PHF3: variants seen among roughly 807,000 people sequenced by gnomAD.
PHF3 encodes PHD finger protein 3.
In PHF3, 41 loss-of-function variants were observed where a neutral mutation model predicts 178.4. That is an observed-to-expected ratio of 0.23 (90% CI 0.18 to 0.30). The LOEUF is 0.30. Among genes scored for constraint, PHF3 ranks in the 10% least tolerant of loss-of-function variants. The pLI, the probability that PHF3 is intolerant of heterozygous loss-of-function variation, is 1.00. For missense variants in PHF3, 2,346 were observed against 2,398.1 expected, an observed-to-expected ratio of 0.98 and a Z score of 0.45; for synonymous variants, 842 against 800.5, an observed-to-expected ratio of 1.05 and a Z score of -0.88.
At chr6:63,683,304 G>T (rs1407904961) in intron 3 of PHF3, among the ~76,000 whole-genome samples, 1 of 151,344 alleles carries the variant, frequency 6.6e-6, no homozygotes, top group Non-Finnish European at 1.5e-5. Context: ...GGTTGTTTTT[G>T]TACTTACTGA....
intron 13 of PHF3, 126 bp downstream of exon 13, chr6:63,707,002 A>G: frequency 1.3e-6 from 1 of 778,430 alleles, no homozygotes. Context: ...TAAACAGTCC[A>G]AGTAATATAA....
Position 63,684,232 on chromosome 6 carries a change from A to C in PHF3, c.510A>C (p.Lys170Asn). 6.2e-7 allele frequency: 1 copy of C among 1,614,088 alleles called. No homozygotes were observed. Among genetic ancestry groups the C allele is most frequent in the Non-Finnish European group, 8.5e-7 (1 of 1,179,914 alleles). The change falls in exon 4 of 16, where the codon AAA becomes AAC. Residue 170 changes from lysine (K) to asparagine (N), a missense_variant. By Grantham distance (94) the Lys-to-Asn change is moderately conservative. Around this residue, in one of 8 missense-constraint regions of PHF3, gnomAD observed 843 missense variants for 795.2 expected, o/e 1.06. Coordinates refer to ENST00000262043, the MANE Select transcript of PHF3 (RefSeq NM_001370348.2). ...CTGGGAAGACTGTATCTACTGCTAA[A>C]GCAGGAGTGAAACAACCAGAAAGGA... is the stretch of plus-strand genomic sequence containing the variant. ...KASGKTVSTA[K>N]AGVKQPERSQ...
intron 1 of PHF3, among the ~76,000 whole-genome samples, chr6:63,643,991 A>G (rs1033697083): frequency 2.6e-5 from 4 of 152,206 alleles, no homozygotes; most frequent in African/African-American, 9.6e-5. Flanking sequence ...CTTTGTGACC[A>G]TAACTTCTGA....
chr6:63,683,649 C>T (rs1048979318), intron 3 of PHF3, among the ~76,000 whole-genome samples: 4 of 151,980 alleles, frequency 2.6e-5, no homozygotes, highest in African/African-American at 9.7e-5. Context: ...TTTTGAAACT[C>T]GCACAGATCC....
intron 2 of PHF3, among the ~76,000 whole-genome samples, chr6:63,668,709 C>T (rs775234410): frequency 2.6e-5 from 4 of 151,926 alleles, no homozygotes; most frequent in African/African-American, 7.3e-5. Context: ...TGCTTTTTTC[C>T]TTAAGATGCT....
chr6:63,669,847 G>A (rs912795682), intron 2 of PHF3, among the ~76,000 whole-genome samples: 2 of 152,116 alleles, frequency 1.3e-5, no homozygotes, highest in Non-Finnish European at 2.9e-5. Flanking sequence ...CTGTTTCAAG[G>A]CTGAATACAT....
Position 63,684,195 on chromosome 6 carries a change from C to CA in PHF3, c.480dup (p.Ala161SerfsTer10). On this transcript the variant is annotated frameshift_variant, in exon 4 of 16. Transcript: ENST00000262043. LOFTEE classifies it high-confidence loss of function. ...TCAAATGCAGCACCATTAAGTAACA[C>CA]AAAAAAAGCATCTGGGAAGACTGTA... The CA allele has an allele frequency of 6.2e-7, 1 of 1,613,516 alleles. No homozygotes were observed. Among genetic ancestry groups the CA allele is most frequent in the Non-Finnish European group, 8.5e-7 (1 of 1,179,726 alleles).
In PHF3 at chr6:63,685,194, C is replaced by T. The variant is rs747198111; in HGVS notation, c.1472C>T (p.Thr491Ile). The change falls in exon 4 of 16, where the codon ACA becomes ATA. Residue 491 changes from threonine (T) to isoleucine (I), a missense_variant. Physicochemically the swap from Thr to Ile is moderately conservative, Grantham distance 89. Transcript: ENST00000262043. ...LESKSVKSKHTKPVIHSKQNM... is the reference protein window; with the variant it reads ...LESKSVKSKHIKPVIHSKQNM... Reference sequence around the variant, plus strand: ...TCAAAAAGTGTAAAATCCAAACATACAAAACCTGTAATTCATTCTAAGCAA... The same window carrying T: ...TCAAAAAGTGTAAAATCCAAACATATAAAACCTGTAATTCATTCTAAGCAA... 3 of 1,613,772 alleles carry T rather than the reference C, an allele frequency of 1.9e-6. No individual in the cohort carries two copies. Among genetic ancestry groups the T allele is most frequent in the Non-Finnish European group, 1.7e-6 (2 of 1,179,992 alleles).
chr6:63,642,182 A>G (rs1764605110), intron 1 of PHF3, among the ~76,000 whole-genome samples: 1 of 152,238 alleles, frequency 6.6e-6, no homozygotes, highest in Non-Finnish European at 1.5e-5. Flanking sequence ...TAAATGGTCC[A>G]TCAGGACCAA....
chr6:63,685,590 G>A lies in PHF3; in HGVS notation c.1868G>A (p.Ser623Asn). 6.2e-7 allele frequency: 1 copy of A among 1,613,996 alleles called. No homozygotes were observed. Among genetic ancestry groups the A allele is most frequent in the Non-Finnish European group, 8.5e-7 (1 of 1,180,010 alleles). Residue 623 changes from serine to asparagine, a missense_variant, in exon 4 of 16, where the codon AGC becomes AAC. Ser to Asn is a conservative substitution (Grantham distance 46, BLOSUM62 1). Coordinates refer to ENST00000262043, the MANE Select transcript of PHF3 (RefSeq NM_001370348.2). Reference protein sequence around the residue: ...PAQTGHVSHSSQKQCHKPQQQ... With the variant: ...PAQTGHVSHSNQKQCHKPQQQ... Reference sequence around the variant, plus strand: ...CAAACTGGACATGTATCACATTCTAGCCAGAAACAGTGTCATAAGCCTCAG... The same window carrying A: ...CAAACTGGACATGTATCACATTCTAACCAGAAACAGTGTCATAAGCCTCAG...
At chr6:63,706,693 C>T in intron 12 of PHF3, 36 bp from the exon 13 acceptor site, 2 of 1,599,206 alleles carry the variant, frequency 1.3e-6, no homozygotes, top group Non-Finnish European at 1.7e-6. Flanking sequence ...ATTTATTCAT[C>T]AGCTTGTCTT....
chr6:63,696,515 C>T lies in PHF3; in HGVS notation c.2681-1708C>T, dbSNP rs551760548. ...TTGATTTTTTGTAGAGATGGTGTTTCGTTATGTTGGCCAGGCTGGTCTCAA... is the reference window on the plus strand; with the variant it reads ...TTGATTTTTTGTAGAGATGGTGTTTTGTTATGTTGGCCAGGCTGGTCTCAA... On this transcript the variant is annotated intron_variant, in intron 6 of 15. Transcript: ENST00000262043. Among the ~76,000 whole-genome samples the T allele has an allele frequency of 8.5e-5, 13 of 152,194 alleles. No homozygotes were observed. In the East Asian group the frequency reaches 1.9e-3, roughly 23 times the overall value.
chr6:63,710,785 A>C (rs566355658), intron 14 of PHF3, among the ~76,000 whole-genome samples: 37 of 152,160 alleles, frequency 2.4e-4, no homozygotes, highest in Non-Finnish European at 4.7e-4. Flanking sequence ...CAAGAACATA[A>C]GCAGCCCTTT....
rs10645572 is a variant in PHF3, at chr6:63,649,079, CTTAT to C, written c.244+2314_244+2317del. ...TAAGAGATAATTGCAAAAAAGAAAT[CTTAT>C]TTATTTATTTATTTATTTATTTATT... On this transcript the variant is annotated intron_variant, in intron 2 of 15. Coordinates refer to ENST00000262043, the MANE Select transcript of PHF3 (RefSeq NM_001370348.2). Among the ~76,000 whole-genome samples, 691 of 148,614 alleles carry C rather than the reference CTTAT, an allele frequency of 4.6e-3. 2 individuals carry two copies. The highest frequency in any genetic ancestry group is 0.011 in the African/African-American group (456 of 40,566).
chr6:63,643,490 G>A (rs1342124733), intron 1 of PHF3, among the ~76,000 whole-genome samples: 2 of 152,126 alleles, frequency 1.3e-5, no homozygotes, highest in Non-Finnish European at 2.9e-5. Context: ...CACTAGGATT[G>A]TGATTTGTCC....
intron 1 of PHF3, among the ~76,000 whole-genome samples, chr6:63,640,621 C>G (rs76949028): frequency 0.032 from 4,811 of 152,268 alleles, 107 homozygotes; most frequent in South Asian, 0.094. Flanking sequence ...GATTTTAGCT[C>G]TGTTCTTCCT....
chr6:63,702,319 C>G (rs940688493), intron 9 of PHF3, 189 bp from the exon 10 acceptor site: 12 of 334,674 alleles, frequency 3.6e-5, no homozygotes, highest in African/African-American at 1.0e-4. Context: ...TTCTTATAAC[C>G]GCAGTACTTA....
intron 2 of PHF3, among the ~76,000 whole-genome samples, chr6:63,668,668 T>C (rs1314699155): frequency 6.6e-6 from 1 of 152,034 alleles, no homozygotes; most frequent in African/African-American, 2.4e-5. Context: ...TTATAATGAG[T>C]TCATAGATTA....
In PHF3 at chr6:63,691,959, G is replaced by T. The variant is rs762321363; in HGVS notation, c.2412G>T (p.Lys804Asn). Reference sequence around the variant, plus strand: ...GAGATAAAACAATGGAGTGTGAAAAGCTTGGATTATCAAAACACACAACAA... The same window carrying T: ...GAGATAAAACAATGGAGTGTGAAAATCTTGGATTATCAAAACACACAACAA... ...HSGDKTMECE[K>N]LGLSKHTTND... Residue 804 changes from lysine (K) to asparagine (N), a missense_variant, in exon 5 of 16, where the codon AAG becomes AAT. Lys to Asn is a moderately conservative substitution (Grantham distance 94). Transcript: ENST00000262043. The T allele has an allele frequency of 4.3e-6, 7 of 1,613,516 alleles. No homozygotes were observed. The African/African-American group carries it at 5.3e-5, about 12-fold the overall frequency.
Sources: allele counts gnomAD v4.1 joint callset (sites outside exome capture counted in the v4.1 genomes callset), GRCh38; gene constraint gnomAD v4.1.1; regional missense constraint gnomAD v4.1.1; transcripts MANE v1.5; gene names NCBI Gene and HGNC (gene_info 2026-07-23, HGNC 2026-07-21).